INTS15: variants seen among roughly 807,000 people sequenced by gnomAD.
The protein encoded by INTS15 is uncharacterized protein C7orf26.
the INTS15 span, among the ~76,000 whole-genome samples, chr7:6,594,766 G>C: frequency 9.9e-5 from 15 of 152,118 alleles, no homozygotes; most frequent in African/African-American, 3.6e-4. Flanking sequence ...TGTTGCCCAG[G>C]CTGGAGTGCA....
At chr7:6,592,353 G>T in the INTS15 span, among the ~76,000 whole-genome samples, 1 of 152,140 alleles carries the variant, frequency 6.6e-6, no homozygotes, top group Admixed American at 6.6e-5. Flanking sequence ...GATCACTTGA[G>T]GTCAGGAGTT....
At chr7:6,594,260 C>T in the INTS15 span, among the ~76,000 whole-genome samples, 1 of 152,066 alleles carries the variant, frequency 6.6e-6, no homozygotes, top group Admixed American at 6.6e-5. Flanking sequence ...CCCGCCTCGG[C>T]CTCTCAAAGT....
chr7:6,594,001 C>CTTTTT, the INTS15 span, among the ~76,000 whole-genome samples: 28 of 68,932 alleles, frequency 4.1e-4, no homozygotes, highest in South Asian at 1.1e-3. Context: ...AAGCCTTTAA[C>CTTTTT]TTTTTTTTTT....
the INTS15 span, among the ~76,000 whole-genome samples, chr7:6,595,185 C>T: frequency 1.3e-5 from 2 of 152,130 alleles, no homozygotes; most frequent in African/African-American, 4.8e-5. Flanking sequence ...GTGCATGCCA[C>T]CACGCCTGGC....
At chr7:6,592,385 G>C in the INTS15 span, among the ~76,000 whole-genome samples, 2 of 151,834 alleles carry the variant, frequency 1.3e-5, no homozygotes, top group Non-Finnish European at 2.9e-5. Flanking sequence ...TGGCCAACAT[G>C]GTGAAACCCT....
At chr7:6,601,408 G>A in the INTS15 span, among the ~76,000 whole-genome samples, 2 of 151,734 alleles carry the variant, frequency 1.3e-5, no homozygotes, top group Non-Finnish European at 2.9e-5. Context: ...TGATTCTACC[G>A]CCTCAGCCTC....
At chr7:6,601,246 A>G in the INTS15 span, among the ~76,000 whole-genome samples, 1 of 151,318 alleles carries the variant, frequency 6.6e-6, no homozygotes, top group African/African-American at 2.4e-5. Context: ...TGCTAGGATT[A>G]CCACTCTGCC....
chr7:6,590,461 A>G, the INTS15 span: 1 of 1,592,202 alleles, frequency 6.3e-7, no homozygotes. Flanking sequence ...CAAGGAGCGC[A>G]GCGCGCAGCC....
the INTS15 span, among the ~76,000 whole-genome samples, chr7:6,603,422 C>T: frequency 1.3e-5 from 2 of 151,820 alleles, no homozygotes; most frequent in Non-Finnish European, 2.9e-5. Context: ...TGGCATGCAC[C>T]TGTAATCACA....
chr7:6,608,524 C>T, the INTS15 span: 1 of 1,143,568 alleles, frequency 8.7e-7, no homozygotes, highest in Non-Finnish European at 1.1e-6. Flanking sequence ...CTCGTGAAGA[C>T]GATGTGTCCC....
the INTS15 span, among the ~76,000 whole-genome samples, chr7:6,605,969 G>T: frequency 6.6e-6 from 1 of 151,842 alleles, no homozygotes; most frequent in Non-Finnish European, 1.5e-5. Flanking sequence ...AAAGTGCTGG[G>T]ATTACAGGTG....
chr7:6,590,712 C>T, the INTS15 span, among the ~76,000 whole-genome samples: 11 of 152,248 alleles, frequency 7.2e-5, no homozygotes, highest in African/African-American at 2.7e-4. Context: ...AAGGGACAAA[C>T]TGGCGACTGC....
At chr7:6,607,633 T>C in the INTS15 span, 4 of 1,463,154 alleles carry the variant, frequency 2.7e-6, no homozygotes, top group Non-Finnish European at 3.7e-6. This position sits in a 1 kb window ranked among gnomAD's most constrained non-coding sequence, Gnocchi z 6.0. Context: ...GAGGAGACTG[T>C]GGCCAGCTGT....
the INTS15 span, chr7:6,590,513 G>T: frequency 1.3e-6 from 2 of 1,502,218 alleles, no homozygotes; most frequent in Non-Finnish European, 1.8e-6. Context: ...GGCCCCGCAG[G>T]CGGGCGGGCG....
chr7:6,594,491 C>T, the INTS15 span: 1 of 1,614,118 alleles, frequency 6.2e-7, no homozygotes, highest in Non-Finnish European at 8.5e-7. Context: ...ATGACTACTG[C>T]TGTTTGGTGC....
the INTS15 span, among the ~76,000 whole-genome samples, chr7:6,606,161 C>G: frequency 1.3e-5 from 2 of 152,132 alleles, no homozygotes; most frequent in African/African-American, 2.4e-5. Flanking sequence ...TCCTTGGGTT[C>G]GTTAATCTCT....
chr7:6,598,764 TGTGTGTGTGTGTGTGTGTGTGTA>T, the INTS15 span, among the ~76,000 whole-genome samples: 1,944 of 110,986 alleles, frequency 0.018, 54 homozygotes, highest in African/African-American at 0.086. Context: ...TGTGTGTGTG[TGTGTGTGTGTGTGTGTGTGTGTA>T]TTTTTTTTTT....
At chr7:6,608,076 A>AACCCCCCCCCCCCCCCC in the INTS15 span, 1 of 1,143,488 alleles carries the variant, frequency 8.7e-7, no homozygotes, top group Non-Finnish European at 1.2e-6. Context: ...GTCCCGGCCC[A>AACCCCCCCCCCCCCCCC]CCCCGCCGCC....
the INTS15 span, chr7:6,607,910 G>T: frequency 6.3e-7 from 1 of 1,591,986 alleles, no homozygotes; most frequent in Non-Finnish European, 8.5e-7. This position sits in a 1 kb window ranked among gnomAD's most constrained non-coding sequence, Gnocchi z 6.0. Flanking sequence ...GTGCGCACCT[G>T]CGGAGTCCCC....
Sources: allele counts gnomAD v4.1 joint callset (sites outside exome capture counted in the v4.1 genomes callset), GRCh38; gene constraint gnomAD v4.1.1; non-coding constraint Gnocchi (gnomAD v3.1); transcripts MANE v1.5; gene names NCBI Gene and HGNC (gene_info 2026-07-23, HGNC 2026-07-21).